The following CFAP74 variants were observed in gnomAD, a reference collection of about 807,000 sequenced individuals.
CFAP74 encodes cilia- and flagella-associated protein 74.
A neutral mutation model predicts 188.9 loss-of-function variants in CFAP74; 124 were observed. That is an observed-to-expected ratio of 0.66 (90% confidence interval 0.57 to 0.76). CFAP74 has a LOEUF of 0.76. Among genes scored for constraint, CFAP74 ranks in the 30% least tolerant of loss-of-function variants. The pLI is 0.00. For synonymous variants in CFAP74, 956 were observed against 916.7 expected, an observed-to-expected ratio of 1.04 and a Z score of -0.77; for missense variants, 2,198 against 2,165.2, an observed-to-expected ratio of 1.02 and a Z score of -0.30.
At chr1:1,953,341 G>A (rs552461289) in intron 18 of CFAP74, 1 of 151,254 alleles carries the variant, frequency 6.6e-6, no homozygotes, top group South Asian at 2.1e-4. Flanking sequence ...TATAGGCCAG[G>A]CTGGAGTGCA....
rs2803337 is a variant in CFAP74, at chr1:1,944,420, A to G, written c.2397T>C (p.Asp799=). 0.48 allele frequency: 735,840 copies of G among 1,534,992 alleles called. 181,022 individuals carry two copies. The highest frequency in any genetic ancestry group is 0.56 in the Admixed American group (28,319 of 50,944). Reference sequence around the variant, plus strand: ...TGGGCTTCGGCACCCAGACCGGCACATCGATGGCCACGCCCACGACCCTGA... The same window carrying G: ...TGGGCTTCGGCACCCAGACCGGCACGTCGATGGCCACGCCCACGACCCTGA... ...LHFRVVGVAI[D]VPVWVPKPSV... The change falls in exon 21 of 39, where the codon GAT becomes GAC. Residue 799 remains aspartate, a synonymous_variant. Coordinates refer to ENST00000682832, the MANE Select transcript of CFAP74 (RefSeq NM_001304360.2).
In CFAP74 at chr1:1,926,441, G is replaced by A; in HGVS notation, c.3828+16C>T. On this transcript the variant is annotated intron_variant, in intron 31 of 38. Transcript: ENST00000682832. ...TCCCACCCCGCAGGCCGCCTGAGCT[G>A]GGTGGACAAGGACACGGCCAGATCC... The A allele has an allele frequency of 6.5e-7, 1 of 1,550,308 alleles. No individual in the cohort carries two copies. The highest frequency in any genetic ancestry group is 8.7e-7 in the Non-Finnish European group (1 of 1,146,904).
chr1:1,951,543 T>C (rs1478161458), intron 18 of CFAP74, among the ~76,000 whole-genome samples: 1 of 152,256 alleles, frequency 6.6e-6, no homozygotes. Context: ...CTTGTTACTG[T>C]ACTTCATAGT....
chr1:1,931,507 C>T (rs1191827224), intron 25 of CFAP74, among the ~76,000 whole-genome samples: 4 of 126,272 alleles, frequency 3.2e-5, no homozygotes, highest in South Asian at 2.6e-4. Flanking sequence ...GAGTCCGAGG[C>T]GGGCGGATCA....
chr1:1,952,994 T>TAGATTTGG (rs1325865896), intron 18 of CFAP74, among the ~76,000 whole-genome samples: 1 of 152,152 alleles, frequency 6.6e-6, no homozygotes, highest in African/African-American at 2.4e-5. Context: ...CCCAAATTGA[T>TAGATTTGG]CTATAGATTC....
In CFAP74 at chr1:1,933,516, A is replaced by G. The variant is rs112248942; in HGVS notation, c.3012-3180T>C. 2.4e-3 allele frequency among the ~76,000 whole-genome samples: 371 copies of G among 152,244 alleles called. 1 individual carries two copies. The highest frequency in any genetic ancestry group is 8.3e-3 in the African/African-American group (346 of 41,542). ...GTATTTCTATATTTTTCCTGTGTCC[A>G]TTGTGTATTTTGAGGAATTTGTCCA... On this transcript the variant is annotated intron_variant, in intron 25 of 38. Coordinates refer to ENST00000682832, the MANE Select transcript of CFAP74 (RefSeq NM_001304360.2).
Position 1,955,693 on chromosome 1 carries a change from G to A in CFAP74, c.2174C>T (p.Ala725Val), listed in dbSNP as rs758932249. 26 of 1,613,726 alleles carry A rather than the reference G, an allele frequency of 1.6e-5. No homozygotes were observed. In the South Asian group the frequency reaches 2.7e-4, roughly 17 times the overall value. The change falls in exon 18 of 39, where the codon GCA (alanine) becomes GTA (valine). Residue 725 changes from alanine (A) to valine (V), a missense_variant and splice_region_variant. Physicochemically the swap from Ala to Val is moderately conservative, Grantham distance 64. Coordinates refer to ENST00000682832, the MANE Select transcript of CFAP74 (RefSeq NM_001304360.2). ...LDKEQEEEQP[A>V]EPERLTTVIP... ...CTTGGCCTGGCAGCCTGGCTCACCT[G>A]CGGGCTGCTCCTCCTCCTGCTCCTT...
intron 18 of CFAP74, among the ~76,000 whole-genome samples, chr1:1,952,535 GAAAGAAAGAAA>G (rs539351813): frequency 6.8e-6 from 1 of 147,174 alleles, no homozygotes; most frequent in South Asian, 2.2e-4. Context: ...TGATGAGCAA[GAAAGAAAGAAA>G]AAAGGAAGGA....
intron 4 of CFAP74, among the ~76,000 whole-genome samples, chr1:1,987,699 G>A (rs1469869543): frequency 1.3e-5 from 2 of 151,308 alleles, no homozygotes; most frequent in East Asian, 2.0e-4. Flanking sequence ...CCACCACCAC[G>A]CACAGCTAAT....
In CFAP74 at chr1:1,995,725, C is replaced by T. The variant is rs146814033; in HGVS notation, c.-19-4750G>A. ...GAGATCGAGACCATCCTGGCTAACA[C>T]GGTGAAACCCCGTCTCTACTAAAAA... On this transcript the variant is annotated intron_variant, in intron 1 of 38. Transcript: ENST00000682832. Among the ~76,000 whole-genome samples the T allele has an allele frequency of 4.4e-3, 657 of 150,608 alleles. 5 individuals are homozygous for T. The highest frequency in any genetic ancestry group is 0.015 in the African/African-American group (625 of 41,076).
rs72636304 is a variant in CFAP74 at position 1,968,786 on chromosome 1, C to A, written c.1094G>T (p.Arg365Leu). 736 of 1,613,962 alleles carry A rather than the reference C, an allele frequency of 4.6e-4. 1 individual carries two copies. Among genetic ancestry groups the A allele is most frequent in the Non-Finnish European group, 5.2e-4 (617 of 1,179,980 alleles). Residue 365 changes from arginine to leucine, a missense_variant, in exon 11 of 39, where the codon CGG becomes CTG. Arg to Leu is a moderately radical substitution (Grantham distance 102). Coordinates refer to ENST00000682832, the MANE Select transcript of CFAP74 (RefSeq NM_001304360.2). The surrounding 1 kb of genome is among the most constrained non-coding windows in gnomAD (Gnocchi z 4.3). ...QKLRKQEIISRILKEEAEEEK... is the reference protein window; with the variant it reads ...QKLRKQEIISLILKEEAEEEK... The stretch of plus-strand genomic sequence containing the variant: ...CTCCTCAGCCTCCTCTTTCAGAATC[C>A]GACTGATGATCTCCTGCTTTCTGAG...
chr1:1,964,355 C>T (rs1372842208), intron 13 of CFAP74, among the ~76,000 whole-genome samples: 3 of 152,252 alleles, frequency 2.0e-5, no homozygotes, highest in South Asian at 2.1e-4. Context: ...ACAGGGCTTT[C>T]GGGGCCACGG....
At chr1:1,933,185 C>CCAACTATTCAGGTA in intron 25 of CFAP74, among the ~76,000 whole-genome samples, 2 of 133,214 alleles carry the variant, frequency 1.5e-5, no homozygotes, top group Middle Eastern at 8.2e-3. Context: ...CGTGCCTGAC[C>CCAACTATTCAGGTA]TTTTTTTTTT....
At chr1:1,924,632 C>T in intron 33 of CFAP74, 112 bp from the exon 34 acceptor site, 9 of 1,255,458 alleles carry the variant, frequency 7.2e-6, no homozygotes, top group Non-Finnish European at 9.7e-6. Context: ...CAAGTGGGGA[C>T]CCGGGTGGCC....
At chr1:1,954,794 C>A in intron 18 of CFAP74, 1 of 1,108,206 alleles carries the variant, frequency 9.0e-7, no homozygotes, top group Non-Finnish European at 1.1e-6. Flanking sequence ...AAAAAGAACT[C>A]ACTTTGGTAT....
intron 5 of CFAP74, among the ~76,000 whole-genome samples, chr1:1,986,250 G>A (rs949151793): frequency 2.6e-5 from 4 of 152,226 alleles, no homozygotes; most frequent in African/African-American, 9.6e-5. Context: ...AGCCAGGTGT[G>A]GTGGCACATG....
chr1:1,925,172 A>G (rs1297081723), intron 33 of CFAP74, among the ~76,000 whole-genome samples: 66 of 137,912 alleles, frequency 4.8e-4, no homozygotes, highest in Non-Finnish European at 9.1e-4. Flanking sequence ...GAGGGCACGC[A>G]GGGCAGGGCG....
At chr1:1,955,928 G>A (rs1195840886) in intron 17 of CFAP74, 78 bp from the exon 18 acceptor site, 1 of 1,518,734 alleles carries the variant, frequency 6.6e-7, no homozygotes, top group East Asian at 2.3e-5. Flanking sequence ...ACTCCCATGA[G>A]GACAGGCCGT....
In CFAP74 at chr1:1,924,050, G is replaced by A. The variant is rs375846537; in HGVS notation, c.4235-121C>T. On this transcript the variant is annotated intron_variant, in intron 34 of 38. Transcript: ENST00000682832. ...CCCCTGCAGAGCCCCTGTCCTGCCCGGTCCCCCCAATGGCCTTGCGCCCCC... is the reference window on the plus strand; with the variant it reads ...CCCCTGCAGAGCCCCTGTCCTGCCCAGTCCCCCCAATGGCCTTGCGCCCCC... The A allele has an allele frequency of 3.4e-4, 336 of 986,574 alleles. 2 individuals are homozygous for A. The South Asian group carries it at 4.4e-3, about 13-fold the overall frequency. The allele number at this position is 986,574 out of a possible 1,614,324, so 61.1% of individuals were successfully genotyped here.
Sources: gnomAD v4.1 joint callset for allele counts (sites outside exome capture counted in the v4.1 genomes callset) on GRCh38, gnomAD v4.1.1 for gene constraint, Gnocchi (gnomAD v3.1) non-coding constraint, MANE v1.5 for transcripts, NCBI Gene and HGNC (gene_info 2026-07-23, HGNC 2026-07-21) for gene names.